The following LRMDA variants were observed in gnomAD, a reference collection of about 807,000 sequenced individuals.
The protein encoded by LRMDA is leucine rich melanocyte differentiation associated.
LRMDA carries 18 observed loss-of-function variants against 29.8 expected under a neutral mutation model. The observed-to-expected ratio is 0.60, with a 90% CI of 0.42 to 0.90. The LOEUF is 0.90. LRMDA is among the 40% of genes least tolerant of loss of function. The pLI is 0.00. For synonymous variants in LRMDA, 125 were observed against 109.4 expected (o/e 1.14, Z -0.89); for missense variants, 273 against 273.9 (o/e 1.00, Z 0.02).
At chr10:76,226,951 A>G (rs983151377) in intron 5 of LRMDA, among the ~76,000 whole-genome samples, 1 of 152,238 alleles carries the variant, frequency 6.6e-6, no homozygotes, top group African/African-American at 2.4e-5. Flanking sequence ...TTTAACGTAT[A>G]CTGATGAATA....
intron 2 of LRMDA, among the ~76,000 whole-genome samples, chr10:75,617,871 A>C (rs1398321387): frequency 2.0e-5 from 3 of 152,214 alleles, no homozygotes; most frequent in Admixed American, 6.5e-5. Context: ...AGGGTGGAGT[A>C]AGCAGTAGGA....
At chr10:76,081,584 G>C (rs1373993128) in intron 5 of LRMDA, among the ~76,000 whole-genome samples, 1 of 152,128 alleles carries the variant, frequency 6.6e-6, no homozygotes, top group Non-Finnish European at 1.5e-5. Context: ...AATGTTTTAG[G>C]TTTTTGCTTT....
At chr10:76,262,042 G>A (rs1049413038) in intron 5 of LRMDA, among the ~76,000 whole-genome samples, 2 of 151,690 alleles carry the variant, frequency 1.3e-5, no homozygotes, top group African/African-American at 2.4e-5. Flanking sequence ...AGGCCACCCT[G>A]GGCAACAAAA....
At chr10:75,578,014 G>A (rs1258376396) in intron 2 of LRMDA, among the ~76,000 whole-genome samples, 3 of 151,754 alleles carry the variant, frequency 2.0e-5, no homozygotes, top group Admixed American at 1.3e-4. Flanking sequence ...CATCATAATG[G>A]CAGGATCAGT....
chr10:75,718,897 A>G (rs1842533050), intron 2 of LRMDA, among the ~76,000 whole-genome samples: 2 of 152,214 alleles, frequency 1.3e-5, no homozygotes, highest in South Asian at 4.1e-4. Context: ...AATATCTAAA[A>G]GAGGACAAAT....
At chr10:76,034,942 C>T (rs899445610) in intron 2 of LRMDA, among the ~76,000 whole-genome samples, 2 of 152,064 alleles carry the variant, frequency 1.3e-5, no homozygotes, top group African/African-American at 2.4e-5. Context: ...CTCTGCCGGC[C>T]GGCTTGCTTT....
intron 2 of LRMDA, among the ~76,000 whole-genome samples, chr10:75,681,861 G>A (rs1589156161): frequency 1.3e-5 from 2 of 152,280 alleles, no homozygotes; most frequent in Admixed American, 1.3e-4. Context: ...ATGTTATCAA[G>A]CCAATTTCTT....
At position 75,921,617 on chromosome 10, in the gene LRMDA, C is replaced by G. The variant is rs555254720; in HGVS notation, c.132-114391C>G. Among the ~76,000 whole-genome samples, 68 of 152,248 alleles carry G rather than the reference C, an allele frequency of 4.5e-4. 2 individuals carry two copies. Among genetic ancestry groups the G allele is most frequent in the Admixed American group, 3.3e-3 (50 of 15,302 alleles). On this transcript the variant is annotated intron_variant, in intron 2 of 6. Transcript: ENST00000611255. ...AAAGCTTTGTGTTTGTGTCTGTGTG[C>G]ATGCATGTGTGCATGTGGGCATATG... is the stretch of plus-strand genomic sequence containing the variant.
intron 2 of LRMDA, among the ~76,000 whole-genome samples, chr10:75,537,724 C>G (rs1839966577): frequency 1.3e-5 from 2 of 152,186 alleles, no homozygotes; most frequent in East Asian, 3.9e-4. Context: ...GAGTGAGTAC[C>G]TCTTGGGTCC....
chr10:75,793,136 T>G (rs150133141), intron 2 of LRMDA, among the ~76,000 whole-genome samples: 111 of 152,336 alleles, frequency 7.3e-4, no homozygotes, highest in African/African-American at 2.4e-3. Flanking sequence ...CCTGGCTCTT[T>G]ATAAGCTATA....
chr10:76,421,536 G>A (rs1272689244), intron 6 of LRMDA, among the ~76,000 whole-genome samples: 1 of 152,048 alleles, frequency 6.6e-6, no homozygotes, highest in African/African-American at 2.4e-5. Flanking sequence ...ATTTAATATA[G>A]CTTCCTTGTG....
intron 5 of LRMDA, among the ~76,000 whole-genome samples, chr10:76,154,788 C>T (rs112284395): frequency 9.9e-5 from 15 of 152,226 alleles, no homozygotes; most frequent in South Asian, 2.1e-4. Context: ...ATTAGCAAGG[C>T]GGGACTTGTG....
intron 2 of LRMDA, among the ~76,000 whole-genome samples, chr10:75,818,980 T>A (rs988429974): frequency 2.6e-5 from 4 of 152,224 alleles, no homozygotes; most frequent in African/African-American, 9.6e-5. Flanking sequence ...AAATGTTAGT[T>A]GAAACAAAGG....
intron 6 of LRMDA, among the ~76,000 whole-genome samples, chr10:76,517,197 G>A (rs1469053403): frequency 2.0e-5 from 3 of 152,230 alleles, no homozygotes; most frequent in Admixed American, 6.5e-5. Context: ...TGAACAGGTG[G>A]CAGCTGAGAA....
At chr10:76,547,881 C>T (rs1315047668) in intron 6 of LRMDA, among the ~76,000 whole-genome samples, 2 of 152,020 alleles carry the variant, frequency 1.3e-5, no homozygotes, top group Non-Finnish European at 2.9e-5. Flanking sequence ...TCCATTAAGC[C>T]CTACCTAGAA....
At chr10:76,405,403 A>G (rs1457072431) in intron 6 of LRMDA, among the ~76,000 whole-genome samples, 1 of 152,198 alleles carries the variant, frequency 6.6e-6, no homozygotes, top group Non-Finnish European at 1.5e-5. Context: ...TATGGTGCCC[A>G]GGTGTGTTTC....
intron 5 of LRMDA, among the ~76,000 whole-genome samples, chr10:76,109,271 ATC>A (rs1849536991): frequency 2.6e-5 from 4 of 152,186 alleles, no homozygotes; most frequent in Admixed American, 2.6e-4. Context: ...CAAGGCCTCC[ATC>A]CTTGTTGGGC....
At chr10:75,794,701 T>C (rs1214267341) in intron 2 of LRMDA, among the ~76,000 whole-genome samples, 5 of 152,220 alleles carry the variant, frequency 3.3e-5, no homozygotes, top group Admixed American at 2.0e-4. Flanking sequence ...TGATGCTGAA[T>C]GTATTTTCAT....
At chr10:76,444,688 G>A (rs957441970) in intron 6 of LRMDA, among the ~76,000 whole-genome samples, 2 of 152,054 alleles carry the variant, frequency 1.3e-5, no homozygotes, top group Admixed American at 6.6e-5. Context: ...GAATGCAAGA[G>A]CCTGTTAGAG....
Sources: gnomAD v4.1 joint callset for allele counts (sites outside exome capture counted in the v4.1 genomes callset) on GRCh38, gnomAD v4.1.1 for gene constraint, MANE v1.5 for transcripts, NCBI Gene and HGNC (gene_info 2026-07-23, HGNC 2026-07-21) for gene names.